Variants in ERBB4 observed in about 807,000 individuals in gnomAD.
The protein encoded by ERBB4 is erb-b2 receptor tyrosine kinase 4, also known as receptor tyrosine-protein kinase erbB-4.
Under a neutral mutation model 158.0 loss-of-function variants are expected in ERBB4, and 42 were observed. That is an observed-to-expected ratio of 0.27 (90% CI 0.21 to 0.34). The LOEUF is 0.34. Ranked by LOEUF, ERBB4 falls within the 10% of genes least tolerant of loss-of-function variation. ERBB4 has a pLI of 1.00. For missense variants in ERBB4, 1,333 were observed against 1,624.1 expected, an observed-to-expected ratio of 0.82 and a Z score of 3.08; for synonymous variants, 583 against 558.7, an observed-to-expected ratio of 1.04 and a Z score of -0.61.
intron 1 of ERBB4, among the ~76,000 whole-genome samples, chr2:212,180,110 T>C (rs1193795456): frequency 1.3e-5 from 2 of 151,710 alleles, no homozygotes; most frequent in Non-Finnish European, 3.0e-5. Flanking sequence ...GCCAAAATAA[T>C]TGGTTTTGCT....
At chr2:211,522,555 G>A (rs1289696582) in intron 20 of ERBB4, among the ~76,000 whole-genome samples, 1 of 152,172 alleles carries the variant, frequency 6.6e-6, no homozygotes, top group African/African-American at 2.4e-5. Context: ...TGGAGGAGCA[G>A]CAGGGTTTGG....
chr2:212,426,932 C>T (rs1164553317), intron 1 of ERBB4, among the ~76,000 whole-genome samples: 1 of 152,060 alleles, frequency 6.6e-6, no homozygotes, highest in Non-Finnish European at 1.5e-5. Context: ...TAAATATTTT[C>T]CTGACCAATC....
chr2:211,713,219 C>T (rs1049915410), intron 8 of ERBB4, among the ~76,000 whole-genome samples: 1 of 152,014 alleles, frequency 6.6e-6, no homozygotes, highest in African/African-American at 2.4e-5. Flanking sequence ...CCAACATAAC[C>T]GTGTGAACTC....
chr2:212,422,651 C>T (rs1248338375), intron 1 of ERBB4, among the ~76,000 whole-genome samples: 20 of 152,180 alleles, frequency 1.3e-4, no homozygotes, highest in Admixed American at 1.3e-3. Context: ...ACAACCAAAA[C>T]CTTTTACTGT....
intron 3 of ERBB4, 131 bp from the exon 4 acceptor site, chr2:211,788,290 C>T (rs2076213469): frequency 3.0e-6 from 2 of 673,438 alleles, no homozygotes; most frequent in Non-Finnish European, 5.2e-6. Context: ...GCCAAGATAT[C>T]TTTTAAAATA....
intron 1 of ERBB4, among the ~76,000 whole-genome samples, chr2:212,328,572 T>G (rs2106285881): frequency 1.3e-5 from 2 of 152,166 alleles, no homozygotes; most frequent in Middle Eastern, 6.8e-3. Flanking sequence ...TAATCACCAT[T>G]AACAGAGGAT....
rs367801279 is a variant in ERBB4, at chr2:211,562,769, C to CTTTTTTTTTTTTTTTTTTTTTTT, written c.2302-682_2302-681insAAAAAAAAAAAAAAAAAAAAAAA. On this transcript the variant is annotated intron_variant, in intron 19 of 27. Coordinates refer to ENST00000342788, the MANE Select transcript of ERBB4 (RefSeq NM_005235.3). ...GACTATAAAAATTTGACTACTCCAA[C>CTTTTTTTTTTTTTTTTTTTTTTT]TTTTTTTTTTTTTTTTTTTTGAGAC... Among the ~76,000 whole-genome samples, 128 of 125,726 alleles carry CTTTTTTTTTTTTTTTTTTTTTTT rather than the reference C, an allele frequency of 1.0e-3. 5 individuals are homozygous for CTTTTTTTTTTTTTTTTTTTTTTT. The highest frequency in any genetic ancestry group is 1.7e-3 in the Non-Finnish European group (106 of 62,148). The allele number at this position is 125,726 out of a possible 152,430, so 82.5% of individuals were successfully genotyped here.
intron 1 of ERBB4, among the ~76,000 whole-genome samples, chr2:212,339,819 T>C (rs752462882): frequency 3.4e-4 from 52 of 152,142 alleles, no homozygotes; most frequent in Non-Finnish European, 6.5e-4. Context: ...TAGGATACAC[T>C]ATAATATTAT....
At chr2:212,133,048 A>G (rs1462976468) in intron 1 of ERBB4, among the ~76,000 whole-genome samples, 1 of 152,112 alleles carries the variant, frequency 6.6e-6, no homozygotes, top group African/African-American at 2.4e-5. Context: ...GAGAGAAGGT[A>G]AAGTCCTTTC....
intron 25 of ERBB4, among the ~76,000 whole-genome samples, chr2:211,395,668 A>C (rs2062898238): frequency 6.6e-6 from 1 of 152,088 alleles, no homozygotes; most frequent in Non-Finnish European, 1.5e-5. Context: ...TTTATTAGAC[A>C]AATGGGATAA....
At chr2:212,244,726 A>G (rs1477048385) in intron 1 of ERBB4, among the ~76,000 whole-genome samples, 1 of 152,158 alleles carries the variant, frequency 6.6e-6, no homozygotes, top group Non-Finnish European at 1.5e-5. Context: ...GATTTTATCT[A>G]TCTTCTACAG....
chr2:211,557,607 A>G (rs2067269763), intron 20 of ERBB4, among the ~76,000 whole-genome samples: 1 of 152,122 alleles, frequency 6.6e-6, no homozygotes, highest in Admixed American at 6.6e-5. Context: ...GTTGTGATGA[A>G]AAAAGGAACA....
rs529043496 is a variant in ERBB4, at chr2:211,622,642, A to T, written c.2202+1280T>A. Among the ~76,000 whole-genome samples, 23 of 152,108 alleles carry T rather than the reference A, an allele frequency of 1.5e-4. No individual in the cohort carries two copies. The South Asian group carries it at 4.1e-3, about 27-fold the overall frequency. ...TTAACTTTAACAGATATGTTTGTAA[A>T]ATGTAGGCTTACACATAGCTTTAAG... On this transcript the variant is annotated intron_variant, in intron 18 of 27. Coordinates refer to ENST00000342788, the MANE Select transcript of ERBB4 (RefSeq NM_005235.3).
chr2:212,254,840 C>T lies in ERBB4; in HGVS notation c.83-129937G>A, dbSNP rs375303840. On this transcript the variant is annotated intron_variant, in intron 1 of 27. Transcript: ENST00000342788. The stretch of plus-strand genomic sequence containing the variant: ...ATTCTAGATGGCTAGTTATACAAAC[C>T]ACTCTTACAGTTTAAGATTTAAATA... 4.6e-5 allele frequency among the ~76,000 whole-genome samples: 7 copies of T among 152,022 alleles called. No individual in the cohort carries two copies. In the East Asian group the frequency reaches 9.6e-4, roughly 21 times the overall value.
intron 20 of ERBB4, among the ~76,000 whole-genome samples, chr2:211,473,805 G>T (rs548546864): frequency 6.6e-6 from 1 of 152,092 alleles, no homozygotes; most frequent in Non-Finnish European, 1.5e-5. Context: ...GAAAATACCT[G>T]ACAGTGGTTA....
At chr2:211,430,887 A>C in intron 21 of ERBB4, 58 bp downstream of exon 21, 1 of 1,363,116 alleles carries the variant, frequency 7.3e-7, no homozygotes, top group South Asian at 1.2e-5. Flanking sequence ...AAATATAAGG[A>C]GATAAAAGGA....
intron 2 of ERBB4, among the ~76,000 whole-genome samples, chr2:212,001,691 G>A (rs912708841): frequency 2.0e-5 from 3 of 152,126 alleles, no homozygotes; most frequent in Non-Finnish European, 4.4e-5. Flanking sequence ...CAGTCCAGCA[G>A]AATCAACTCC....
intron 2 of ERBB4, among the ~76,000 whole-genome samples, chr2:211,965,587 A>G (rs922747635): frequency 6.6e-6 from 1 of 152,150 alleles, no homozygotes; most frequent in Non-Finnish European, 1.5e-5. Flanking sequence ...CAATTTTTTT[A>G]TGTGCTAAGG....
intron 20 of ERBB4, among the ~76,000 whole-genome samples, chr2:211,554,118 T>C (rs1387377242): frequency 1.3e-5 from 2 of 152,188 alleles, no homozygotes. Context: ...CGGAGTGCCG[T>C]TGAAGAAGAG....
Sources: gnomAD v4.1 joint callset for allele counts (sites outside exome capture counted in the v4.1 genomes callset) on GRCh38, gnomAD v4.1.1 for gene constraint, MANE v1.5 for transcripts, NCBI Gene and HGNC (gene_info 2026-07-23, HGNC 2026-07-21) for gene names.